The following ZNF730 variants were observed in gnomAD, a reference collection of about 807,000 sequenced individuals.
ZNF730 encodes putative zinc finger protein 730.
ZNF730 carries 12 observed loss-of-function variants against 12.6 expected under a neutral mutation model. That is an observed-to-expected ratio of 0.95 (90% confidence interval 0.61 to 1.54). The LOEUF (loss-of-function observed/expected upper bound fraction) is 1.54, where lower values mean the gene tolerates loss of function less well. ZNF730 is among the 40% of genes most tolerant of loss of function. ZNF730 has a pLI of 0.00. For synonymous variants in ZNF730, 194 were observed against 195.8 expected (o/e 0.99, Z 0.08); for missense variants, 643 against 583.5 (o/e 1.10, Z -1.05).
At chr19:23,105,266 G>A (rs1278218158) in intron 1 of ZNF730, among the ~76,000 whole-genome samples, 1 of 151,734 alleles carries the variant, frequency 6.6e-6, no homozygotes, top group Non-Finnish European at 1.5e-5. Context: ...ACAGGTGCCC[G>A]CCACCATGCC....
At chr19:23,128,237 T>A (rs1970695277) in intron 1 of ZNF730, 1 of 729,606 alleles carries the variant, frequency 1.4e-6, no homozygotes. Flanking sequence ...AGCAAGGACT[T>A]TAATGCAGCA....
intron 1 of ZNF730, among the ~76,000 whole-genome samples, chr19:23,124,970 G>T (rs1195777300): frequency 2.0e-5 from 3 of 152,146 alleles, no homozygotes; most frequent in Non-Finnish European, 4.4e-5. Flanking sequence ...CCCAGATGGA[G>T]GTGATTAAAT....
In ZNF730 at chr19:23,120,341, A is replaced by G. The variant is rs141137200; in HGVS notation, c.3+3165A>G. On this transcript the variant is annotated intron_variant, in intron 1 of 3. Coordinates refer to ENST00000597761, the MANE Select transcript of ZNF730 (RefSeq NM_001277403.2). Reference sequence around the variant, plus strand: ...TGGTAGGCTGTTTACTACTATTTCAATTTTGGAGCTTGTTATTGGTCTATT... The same window carrying G: ...TGGTAGGCTGTTTACTACTATTTCAGTTTTGGAGCTTGTTATTGGTCTATT... Among the ~76,000 whole-genome samples, 502 of 151,648 alleles carry G rather than the reference A, an allele frequency of 3.3e-3. 2 individuals carry two copies. The highest frequency in any genetic ancestry group is 0.018 in the South Asian group (87 of 4,802).
At chr19:23,142,595 G>A (rs1970938049) in intron 3 of ZNF730, among the ~76,000 whole-genome samples, 1 of 151,470 alleles carries the variant, frequency 6.6e-6, no homozygotes. Flanking sequence ...GGCTGAGGTG[G>A]GAGAATGGCG....
rs564298452 is a variant in ZNF730 at position 23,108,342 on chromosome 19, C to T, written c.-93-25738C>T. Among the ~76,000 whole-genome samples, 30 of 151,958 alleles carry T rather than the reference C, an allele frequency of 2.0e-4. No homozygotes were observed. The East Asian group carries it at 3.9e-3, about 20-fold the overall frequency. On this transcript the variant is annotated intron_variant, in intron 1 of 2. Coordinates refer to the ZNF730 transcript ENST00000593635. ...ACACCACCACCCCCTCCCACCCCCA[C>T]GCTGCCCCAAGTGATTTTTACATGC...
chr19:23,135,646 G>A (rs1013400576), intron 2 of ZNF730, among the ~76,000 whole-genome samples: 3 of 151,958 alleles, frequency 2.0e-5, no homozygotes, highest in African/African-American at 7.3e-5. Flanking sequence ...GAGTAGCTGG[G>A]ACTACAGGCG....
At chr19:23,103,931 A>T (rs775496596) in intron 1 of ZNF730, among the ~76,000 whole-genome samples, 44 of 152,192 alleles carry the variant, frequency 2.9e-4, no homozygotes, top group Admixed American at 1.2e-3. Context: ...GATGGTTTAT[A>T]TTAAACTATA....
At chr19:23,082,185 T>C (rs761625115) in intron 1 of ZNF730, among the ~76,000 whole-genome samples, 15 of 152,202 alleles carry the variant, frequency 9.9e-5, no homozygotes, top group Non-Finnish European at 2.1e-4. Context: ...CCTCCCACTT[T>C]AGTCTCTGGT....
intron 1 of ZNF730, among the ~76,000 whole-genome samples, chr19:23,075,789 A>G (rs1969848514): frequency 6.6e-6 from 1 of 151,688 alleles, no homozygotes; most frequent in Non-Finnish European, 1.5e-5. Flanking sequence ...CGCTAAGGTA[A>G]AGTGCAGTGG....
chr19:23,139,491 A>T (rs1234134322), intron 3 of ZNF730, among the ~76,000 whole-genome samples: 1 of 152,110 alleles, frequency 6.6e-6, no homozygotes, highest in African/African-American at 2.4e-5. Context: ...TCAGTCTAAT[A>T]TTGCATTATC....
In ZNF730 at chr19:23,146,200, C is replaced by A; in HGVS notation, c.1156C>A (p.His386Asn). The A allele has an allele frequency of 6.2e-7, 1 of 1,609,896 alleles. No homozygotes were observed. The highest frequency in any genetic ancestry group is 8.5e-7 in the Non-Finnish European group (1 of 1,177,650). The change falls in exon 4 of 4, where the codon CAT becomes AAT. Residue 386 changes from histidine (H) to asparagine (N), a missense_variant. Transcript: ENST00000597761. Reference sequence around the variant, plus strand: ...TAACCAATCCTCAACTCTTACTATACATAAGATAATTCATACTGTAGAGAA... The same window carrying A: ...TAACCAATCCTCAACTCTTACTATAAATAAGATAATTCATACTGTAGAGAA... ...AFNQSSTLTI[H>N]KIIHTVEKFY... is the part of the protein sequence containing the mutation.
chr19:23,138,445 A>G (rs1442046282), intron 3 of ZNF730, among the ~76,000 whole-genome samples: 1 of 152,178 alleles, frequency 6.6e-6, no homozygotes, highest in Non-Finnish European at 1.5e-5. Flanking sequence ...AATAAGGACC[A>G]AGGTCTGCAG....
intron 1 of ZNF730, among the ~76,000 whole-genome samples, chr19:23,077,130 A>T (rs1359679883): frequency 6.6e-6 from 1 of 152,180 alleles, no homozygotes; most frequent in African/African-American, 2.4e-5. Flanking sequence ...GTGAAAGTTG[A>T]ATGATGGGAA....
At chr19:23,142,992 C>T (rs1970947570) in intron 3 of ZNF730, among the ~76,000 whole-genome samples, 2 of 152,094 alleles carry the variant, frequency 1.3e-5, no homozygotes, top group South Asian at 4.1e-4. Flanking sequence ...CGCCTATAAT[C>T]CTAGCACTTT....
chr19:23,134,279 T>A, intron 2 of ZNF730, 73 bp downstream of exon 2: 1 of 1,309,034 alleles, frequency 7.6e-7, no homozygotes. Context: ...AATTCTGTGC[T>A]TTCAGATCCC....
intron 1 of ZNF730, among the ~76,000 whole-genome samples, chr19:23,129,445 A>C (rs2145641555): frequency 6.6e-6 from 1 of 152,236 alleles, no homozygotes; most frequent in South Asian, 2.1e-4. Flanking sequence ...ATGGAGTCAA[A>C]GGAGATCATT....
rs745573561 is a variant in ZNF730 at position 23,146,741 on chromosome 19, CAA to C, written c.*187_*188del. Reference sequence around the variant, plus strand: ...AAACCTACAAATGTGAAGAATGTGGCAAAGTCTTCAACCAATCTTCACACCTT... The same window carrying C: ...AAACCTACAAATGTGAAGAATGTGGCAGTCTTCAACCAATCTTCACACCTT... On this transcript the variant is annotated 3_prime_UTR_variant, in exon 4 of 4. Transcript: ENST00000597761. 618 of 1,257,652 alleles carry C rather than the reference CAA, an allele frequency of 4.9e-4. No individual in the cohort carries two copies. Among genetic ancestry groups the C allele is most frequent in the Non-Finnish European group, 6.2e-4 (532 of 857,750 alleles). 77.9% of individuals were successfully genotyped at this position (1,257,652 alleles called of 1,614,324 possible). A position where few individuals can be genotyped will look rare whatever the true frequency, so the allele number is the denominator to read the frequency against.
chr19:23,117,349 C>G (rs1186259570), intron 1 of ZNF730, among the ~76,000 whole-genome samples, 173 bp downstream of exon 1: 1 of 152,198 alleles, frequency 6.6e-6, no homozygotes, highest in East Asian at 1.9e-4. Context: ...GCCGCGCTGA[C>G]AGCCGGGGCC....
At chr19:23,116,493 ACCT>A (rs1177028057), upstream of ZNF730, among the ~76,000 whole-genome samples, 6 of 129,914 alleles carry the variant, frequency 4.6e-5, no homozygotes, top group Non-Finnish European at 9.7e-5. Flanking sequence ...TGCAACCTCC[ACCT>A]CCTGGGTTCA....
Sources: gnomAD v4.1 joint callset for allele counts (sites outside exome capture counted in the v4.1 genomes callset) on GRCh38, gnomAD v4.1.1 for gene constraint, MANE v1.5 for transcripts, NCBI Gene and HGNC (gene_info 2026-07-23, HGNC 2026-07-21) for gene names.